The following STARD9 variants were observed in gnomAD, a reference collection of about 807,000 sequenced individuals.
STARD9 encodes StAR related lipid transfer domain containing 9.
STARD9 carries 346 observed loss-of-function variants against 399.8 expected under a neutral mutation model. That is an observed-to-expected ratio of 0.87 (90% CI 0.79 to 0.95). The LOEUF (loss-of-function observed/expected upper bound fraction) is 0.95. Ranked by LOEUF, STARD9 falls within the 40% of genes least tolerant of loss-of-function variation. The pLI, the probability that STARD9 is intolerant of heterozygous loss-of-function variation, is 0.00. For missense variants in STARD9, 5,832 were observed against 5,667.5 expected (o/e 1.03, Z -0.93); for synonymous variants, 2,203 against 2,143.5 (o/e 1.03, Z -0.77).
intron 14 of STARD9, among the ~76,000 whole-genome samples, chr15:42,665,580 C>T (rs1160832505): frequency 2.6e-5 from 4 of 152,162 alleles, no homozygotes; most frequent in Non-Finnish European, 5.9e-5. Context: ...TGGGCAGGTA[C>T]GGAGAATGGG....
intron 20 of STARD9, among the ~76,000 whole-genome samples, chr15:42,680,768 A>G (rs1378406854): frequency 1.3e-5 from 2 of 152,184 alleles, no homozygotes; most frequent in African/African-American, 2.4e-5. Flanking sequence ...TTCACCAGTA[A>G]ATGCTTCAGT....
At chr15:42,611,481 C>T (rs563237960) in intron 3 of STARD9, among the ~76,000 whole-genome samples, 1 of 152,312 alleles carries the variant, frequency 6.6e-6, no homozygotes, top group Admixed American at 6.5e-5. Context: ...AGTCCAGCAT[C>T]ACCTTTTAAA....
In STARD9 at chr15:42,684,839, C is replaced by T. The variant is rs1178529265; in HGVS notation, c.3261C>T (p.Ser1087=). 2.0e-6 allele frequency: 3 copies of T among 1,537,068 alleles called. No individual in the cohort carries two copies. Among genetic ancestry groups the T allele is most frequent in the Admixed American group, 3.9e-5 (2 of 50,986 alleles). Residue 1087 remains serine, a synonymous_variant, in exon 23 of 33, where the codon AGC becomes AGT. Coordinates refer to ENST00000290607, the MANE Select transcript of STARD9 (RefSeq NM_020759.3). ...PDTMVPLTDF[S]PVMDHSREKD... ...CCATGGTCCCACTCACAGATTTCAG[C>T]CCAGTAATGGATCATTCAAGAGAAA...
intron 8 of STARD9, among the ~76,000 whole-genome samples, chr15:42,651,833 T>G (rs1808695034): frequency 6.6e-6 from 1 of 152,200 alleles, no homozygotes; most frequent in African/African-American, 2.4e-5. Context: ...GCTTGAATCA[T>G]GAGACTAGCC....
intron 3 of STARD9, among the ~76,000 whole-genome samples, chr15:42,607,222 A>T (rs1167924061): frequency 1.3e-4 from 3 of 23,366 alleles, no homozygotes; most frequent in Non-Finnish European, 4.6e-4. Context: ...TTTTTTTTTA[A>T]GATGGAGTCT....
rs543902152 is a variant in STARD9 at position 42,693,258 on chromosome 15, G to T, written c.11680G>T (p.Val3894Leu). The T allele has an allele frequency of 6.5e-7, 1 of 1,536,988 alleles. No homozygotes were observed. The highest frequency in any genetic ancestry group is 1.2e-5 in the South Asian group (1 of 84,024). The stretch of plus-strand genomic sequence containing the variant: ...GCTGGGCCCCACAAGTGCTTTGTTC[G>T]TGGACAGGGCCTCCTCCCCAATCCT... ...KKLGPTSALF[V>L]DRASSPILTL... The change falls in exon 23 of 33, where the codon GTG becomes TTG. Residue 3894 changes from valine to leucine, a missense_variant. This residue lies in a region of STARD9 where 5,828 missense variants were observed against 5,651.1 expected (regional missense o/e 1.03). Transcript: ENST00000290607.
intron 3 of STARD9, among the ~76,000 whole-genome samples, chr15:42,603,858 T>C (rs1007407679): frequency 6.6e-6 from 1 of 152,012 alleles, no homozygotes; most frequent in African/African-American, 2.4e-5. Context: ...TCAATTCCTA[T>C]CTTTGGTTCA....
At position 42,712,402 on chromosome 15, in the gene STARD9, C is replaced by T. The variant is rs144980883; in HGVS notation, c.13285-4275C>T. Among the ~76,000 whole-genome samples the T allele has an allele frequency of 9.6e-4, 146 of 151,634 alleles. 1 individual carries two copies. In the East Asian group the frequency reaches 0.024, roughly 25 times the overall value. The stretch of plus-strand genomic sequence containing the variant: ...AAGAAACGAGTGCCTAATCCAGGAT[C>T]ACAAAGATTATGCCTATGTTTTCTT... On this transcript the variant is annotated intron_variant, in intron 26 of 32. Transcript: ENST00000290607.
At chr15:42,610,730 A>T (rs1289724243) in intron 3 of STARD9, among the ~76,000 whole-genome samples, 2 of 152,146 alleles carry the variant, frequency 1.3e-5, no homozygotes, top group African/African-American at 4.8e-5. Flanking sequence ...TACTTTTAGT[A>T]GAGACGGGGT....
At chr15:42,619,406 T>G (rs1566878965) in intron 3 of STARD9, among the ~76,000 whole-genome samples, 1 of 151,024 alleles carries the variant, frequency 6.6e-6, no homozygotes, top group Non-Finnish European at 1.5e-5. Flanking sequence ...TACAAAAAAT[T>G]AAAAAAAAAT....
intron 16 of STARD9, chr15:42,671,783 A>G (rs1285165440): frequency 1.3e-5 from 2 of 152,190 alleles, no homozygotes; most frequent in Non-Finnish European, 2.9e-5. Context: ...ACTTCATCAT[A>G]TCCCACAACC....
intron 2 of STARD9, 50 bp from the exon 3 acceptor site, chr15:42,585,471 G>T: frequency 7.6e-7 from 1 of 1,324,292 alleles, no homozygotes; most frequent in African/African-American, 1.4e-5. Context: ...CCACTGGCCA[G>T]ATTCTAATAT....
In STARD9 at chr15:42,686,271, A is replaced by G. The variant is rs763700183; in HGVS notation, c.4693A>G (p.Ser1565Gly). The change falls in exon 23 of 33, where the codon AGT (serine) becomes GGT (glycine). Residue 1565 changes from serine to glycine, a missense_variant. By Grantham distance (56) the Ser-to-Gly change is moderately conservative. This residue lies in a region of STARD9 where 5,828 missense variants were observed against 5,651.1 expected (regional missense o/e 1.03). Transcript: ENST00000290607. ...TTTGAGGGCAGAGAAAGAACAGGACAGTTTAAATGCCAAATTAGAAGGTGT... is the reference window on the plus strand; with the variant it reads ...TTTGAGGGCAGAGAAAGAACAGGACGGTTTAAATGCCAAATTAGAAGGTGT... ...RRLRAEKEQD[S>G]LNAKLEGVSD... The G allele has an allele frequency of 9.8e-5, 150 of 1,537,648 alleles. No individual in the cohort carries two copies. The highest frequency in any genetic ancestry group is 1.2e-4 in the Admixed American group (6 of 50,992).
At chr15:42,672,222 G>GT (rs928239149) in intron 16 of STARD9, 1 of 152,284 alleles carries the variant, frequency 6.6e-6, no homozygotes, top group Non-Finnish European at 1.5e-5. Context: ...CTCGGAAGCT[G>GT]TTTTTTCCTG....
intron 10 of STARD9, 46 bp from the exon 11 acceptor site, chr15:42,662,748 G>A: frequency 1.6e-6 from 2 of 1,233,086 alleles, no homozygotes; most frequent in Non-Finnish European, 1.1e-6. Context: ...TGTAAAGATA[G>A]TGTCTTATTT....
At chr15:42,579,100 C>T (rs2141642104) in intron 1 of STARD9, among the ~76,000 whole-genome samples, 1 of 152,266 alleles carries the variant, frequency 6.6e-6, no homozygotes, top group Non-Finnish European at 1.5e-5. Context: ...TGAGGGGAGT[C>T]ATTCTCCTGG....
Position 42,686,100 on chromosome 15 carries a change from C to G in STARD9, c.4522C>G (p.Pro1508Ala). The G allele has an allele frequency of 6.5e-7, 1 of 1,537,234 alleles. No individual in the cohort carries two copies. The highest frequency in any genetic ancestry group is 2.4e-5 in the East Asian group (1 of 40,908). Residue 1508 changes from proline to alanine, a missense_variant, in exon 23 of 33, where the codon CCA becomes GCA. By Grantham distance (27) the Pro-to-Ala change is conservative (BLOSUM62 -1). Around this residue, in one of 2 missense-constraint regions of STARD9, gnomAD observed 5,828 missense variants for 5,651.1 expected, o/e 1.03. Coordinates refer to ENST00000290607, the MANE Select transcript of STARD9 (RefSeq NM_020759.3). ...TTTGGAGGCCATAGGAGCACCCAAG[C>G]CAGCTTACCCCTACCTTGAGGAAGA... ...PVLEAIGAPK[P>A]AYPYLEEDSG...
chr15:42,579,021 TCCAACCAGAAATTC>T (rs377687559), intron 1 of STARD9, among the ~76,000 whole-genome samples: 3 of 152,184 alleles, frequency 2.0e-5, no homozygotes, highest in African/African-American at 4.8e-5. Flanking sequence ...GGGCACCAAA[TCCAACCAGAAATTC>T]CCAGGACACC....
At chr15:42,580,085 T>TA (rs1409761240) in intron 1 of STARD9, among the ~76,000 whole-genome samples, 1 of 152,174 alleles carries the variant, frequency 6.6e-6, no homozygotes, top group Non-Finnish European at 1.5e-5. Flanking sequence ...TCTTCTGATG[T>TA]ACAGAGTTAA....
Sources: gnomAD v4.1 joint callset for allele counts (sites outside exome capture counted in the v4.1 genomes callset) on GRCh38, gnomAD v4.1.1 for gene constraint, gnomAD v4.1.1 regional missense constraint, MANE v1.5 for transcripts, NCBI Gene and HGNC (gene_info 2026-07-23, HGNC 2026-07-21) for gene names.